Variants in CEP72 observed in about 807,000 individuals in gnomAD.
The protein encoded by CEP72 is centrosomal protein of 72 kDa.
In CEP72, 78 loss-of-function variants were observed where a neutral mutation model predicts 65.7. That is an observed-to-expected ratio of 1.19 (90% confidence interval 0.99 to 1.43). The LOEUF is 1.43. Ranked by LOEUF, CEP72 falls within the 40% of genes most tolerant of loss-of-function variation. The pLI, the probability that CEP72 is intolerant of heterozygous loss-of-function variation, is 0.00. For synonymous variants in CEP72, 358 were observed against 351.7 expected, an observed-to-expected ratio of 1.02 and a Z score of -0.20; for missense variants, 914 against 832.9, an observed-to-expected ratio of 1.10 and a Z score of -1.20.
At chr5:616,478 G>C (rs1735996337) in intron 1 of CEP72, among the ~76,000 whole-genome samples, 1 of 151,690 alleles carries the variant, frequency 6.6e-6, no homozygotes, top group African/African-American at 2.4e-5. Context: ...TTGATTGACT[G>C]TGTTTTCTCA....
rs140383581 is a variant in CEP72 at position 620,015 on chromosome 5, C to T, written c.211-54C>T. The T allele has an allele frequency of 1.4e-3, 2,036 of 1,457,670 alleles. 2 individuals carry two copies. The highest frequency in any genetic ancestry group is 2.8e-3 in the Middle Eastern group (16 of 5,714). 90.3% of individuals were successfully genotyped at this position (1,457,670 alleles called of 1,614,324 possible). A position where few individuals can be genotyped will look rare whatever the true frequency, so the allele number is the denominator to read the frequency against. Reference sequence around the variant, plus strand: ...CAGTGTGTGTTGCTGGCTTATTTCACTGTGTATTTCTTGTTTAAAGTGTGA... The same window carrying T: ...CAGTGTGTGTTGCTGGCTTATTTCATTGTGTATTTCTTGTTTAAAGTGTGA... On this transcript the variant is annotated intron_variant, in intron 2 of 11. Coordinates refer to ENST00000264935, the MANE Select transcript of CEP72 (RefSeq NM_018140.4).
At chr5:634,029 G>A in intron 5 of CEP72, 82 bp downstream of exon 5, 1 of 1,333,738 alleles carries the variant, frequency 7.5e-7, no homozygotes, top group Non-Finnish European at 1.0e-6. Flanking sequence ...GGAGTCCACA[G>A]TTGCTCTTTT....
Position 637,661 on chromosome 5 carries a change from G to A in CEP72, c.1049G>A (p.Gly350Asp). 3.1e-6 allele frequency: 5 copies of A among 1,614,022 alleles called. No homozygotes were observed. Among genetic ancestry groups the A allele is most frequent in the Non-Finnish European group, 4.2e-6 (5 of 1,180,036 alleles). Residue 350 changes from glycine (G) to aspartate (D), a missense_variant, in exon 7 of 12, where the codon GGT becomes GAT. Coordinates refer to ENST00000264935, the MANE Select transcript of CEP72 (RefSeq NM_018140.4). ...TTCCAGACGTTTTCGGACCAGGAGG[G>A]TTTGGGCTGCCCGGAGAGAACTCAT... ...GRFQTFSDQE[G>D]LGCPERTHGS...
chr5:617,685 G>A, intron 1 of CEP72, among the ~76,000 whole-genome samples: 1 of 152,206 alleles, frequency 6.6e-6, no homozygotes, highest in East Asian at 1.9e-4. Context: ...ATGCCTGAGG[G>A]CTACCTGAGG....
chr5:647,041 G>A (rs780666335), intron 10 of CEP72, among the ~76,000 whole-genome samples: 10 of 152,200 alleles, frequency 6.6e-5, no homozygotes, highest in Admixed American at 3.3e-4. Context: ...CATGCCCTAC[G>A]TGAACATGTC....
rs747913971 is a variant in CEP72 at position 640,410 on chromosome 5, C to T, written c.1345C>T (p.Gln449Ter). 2 of 1,612,226 alleles carry T rather than the reference C, an allele frequency of 1.2e-6. No homozygotes were observed. The highest frequency in any genetic ancestry group is 2.2e-5 in the East Asian group (1 of 44,824). Residue 449 changes from glutamine (Q) to a stop codon, truncating the protein, a stop_gained and splice_region_variant, in exon 9 of 12, where the codon CAG becomes TAG. Coordinates refer to ENST00000264935, the MANE Select transcript of CEP72 (RefSeq NM_018140.4). LOFTEE classifies it high-confidence loss of function. ...TAATATTTGGTTTTCACTCCTAGCT[C>T]AGGCAAGACACATCTTGTCATCTGT... ...SLHSNEAFLA[Q>*]ARHILSSVEE...
exon 4 of CEP72, chr5:665,979 T>A (rs897224895): frequency 1.3e-5 from 17 of 1,266,030 alleles, no homozygotes; most frequent in Non-Finnish European, 1.7e-5. Context: ...CCGTCACCCC[T>A]GAGATGATGG....
intron 6 of CEP72, 97 bp downstream of exon 6, chr5:635,681 C>G (rs1737544532): frequency 9.6e-7 from 1 of 1,047,058 alleles, no homozygotes; most frequent in African/African-American, 1.6e-5. Context: ...GCTCATGGTT[C>G]TGGAGGCTGG....
chr5:638,079 AG>A (rs1737744566), intron 7 of CEP72, among the ~76,000 whole-genome samples: 1 of 152,130 alleles, frequency 6.6e-6, no homozygotes, highest in Non-Finnish European at 1.5e-5. Flanking sequence ...CATCACACTT[AG>A]GGTTCCAGGG....
At chr5:635,303 A>G in intron 5 of CEP72, 69 bp from the exon 6 acceptor site, 7 of 1,248,978 alleles carry the variant, frequency 5.6e-6, no homozygotes, top group African/African-American at 1.5e-5. Context: ...GAAGCTTAAA[A>G]TGTAATTTTT....
chr5:670,262 C>T (rs1023882484), downstream of CEP72, among the ~76,000 whole-genome samples: 1 of 152,096 alleles, frequency 6.6e-6, no homozygotes, highest in Non-Finnish European at 1.5e-5. Context: ...ATCAGGAATG[C>T]CCTCCCATGG....
rs1271408434 is a variant in CEP72, at chr5:638,193, T to C, written c.1206+375T>C. 2.0e-5 allele frequency among the ~76,000 whole-genome samples: 3 copies of C among 152,330 alleles called. No homozygotes were observed. In the East Asian group the frequency reaches 5.8e-4, roughly 29 times the overall value. On this transcript the variant is annotated intron_variant, in intron 7 of 11. Coordinates refer to ENST00000264935, the MANE Select transcript of CEP72 (RefSeq NM_018140.4). ...CGTGGTGGAGAGAGGGGACTCTGCC[T>C]TACGGTGCACAGGGCATTTGTCTCC...
At position 633,864 on chromosome 5, in the gene CEP72, A is replaced by G; in HGVS notation, c.608A>G (p.Glu203Gly). The G allele has an allele frequency of 6.2e-7, 1 of 1,613,892 alleles. No individual in the cohort carries two copies. The highest frequency in any genetic ancestry group is 8.5e-7 in the Non-Finnish European group (1 of 1,180,040). The change falls in exon 5 of 12, where the codon GAG becomes GGG. Residue 203 changes from glutamate (E) to glycine (G), a missense_variant. Coordinates refer to ENST00000264935, the MANE Select transcript of CEP72 (RefSeq NM_018140.4). The stretch of plus-strand genomic sequence containing the variant: ...GAGGCAGTCCTGAACCTCATTGCAG[A>G]GTGCGAGTGGGACCTCGGCAGGCCT... ...DDEAVLNLIA[E>G]CEWDLGRPPG...
At chr5:631,372 A>G (rs60448442) in intron 4 of CEP72, among the ~76,000 whole-genome samples, 22 of 8,074 alleles carry the variant, frequency 2.7e-3, no homozygotes, top group East Asian at 6.0e-3. Context: ...CCGGGATTTG[A>G]CCCAGTCCTG....
chr5:629,916 GTGT>G lies in CEP72; in HGVS notation c.513-3852_513-3850del, dbSNP rs1377919895. 2.3e-3 allele frequency among the ~76,000 whole-genome samples: 185 copies of G among 79,032 alleles called. 8 individuals carry two copies. Among genetic ancestry groups the G allele is most frequent in the East Asian group, 4.1e-3 (12 of 2,920 alleles). The allele number at this position is 79,032 out of a possible 152,430, so 51.8% of individuals were successfully genotyped here. A position where few individuals can be genotyped will look rare whatever the true frequency, so the allele number is the denominator to read the frequency against. ...CCCAGTCCTGGTGGGGTTCTGTCCA[GTGT>G]CGGGATTTGACCCAGTCCTGGTGGG... On this transcript the variant is annotated intron_variant, in intron 4 of 11. Coordinates refer to ENST00000264935, the MANE Select transcript of CEP72 (RefSeq NM_018140.4).
At position 653,099 on chromosome 5, in the gene CEP72, C is replaced by T. The variant is rs776930863; in HGVS notation, c.1890C>T (p.Thr630=). ...GGAGCTACCAGGAGCTCAAGAAGAC[C>T]ATGGCCCTGTTTCCACACAGCAGCG... ...MHWSYQELKK[T]MALFPHSSAS... The change falls in exon 12 of 12, where the codon ACC becomes ACT. Residue 630 remains threonine (T), a synonymous_variant. Coordinates refer to ENST00000264935, the MANE Select transcript of CEP72 (RefSeq NM_018140.4). The T allele has an allele frequency of 2.5e-6, 4 of 1,613,328 alleles. No individual in the cohort carries two copies. Among genetic ancestry groups the T allele is most frequent in the African/African-American group, 2.7e-5 (2 of 74,952 alleles).
In CEP72 at chr5:612,380, C is replaced by A. The variant is rs745919557; in HGVS notation, c.19C>A (p.Arg7=). 5 of 1,490,688 alleles carry A rather than the reference C, an allele frequency of 3.4e-6. No homozygotes were observed. The highest frequency in any genetic ancestry group is 4.4e-6 in the Non-Finnish European group (5 of 1,125,344). 92.3% of individuals were successfully genotyped at this position (1,490,688 alleles called of 1,614,324 possible). A position where few individuals can be genotyped will look rare whatever the true frequency, so the allele number is the denominator to read the frequency against. The stretch of plus-strand genomic sequence containing the variant: ...TTGAAACATGGCGCGGGCTGGCCCT[C>A]GGCTGGTGCTGAGCGAGGAGGCGGT... MARAGP[R]LVLSEEAVRA... Residue 7 remains arginine, a synonymous_variant, in exon 1 of 12, where the codon CGG becomes AGG. Coordinates refer to ENST00000264935, the MANE Select transcript of CEP72 (RefSeq NM_018140.4).
intron 9 of CEP72, 87 bp downstream of exon 9, chr5:640,691 G>A: frequency 6.8e-7 from 1 of 1,479,934 alleles, no homozygotes. Context: ...GCTCCTTGAT[G>A]CCACACTGTC....
intron 9 of CEP72, chr5:641,336 GGT>G: frequency 1.0e-6 from 1 of 985,440 alleles, no homozygotes; most frequent in Non-Finnish European, 1.2e-6. Context: ...CGGGAGTCCT[GGT>G]GTGAGGGCAG....
Sources: allele counts gnomAD v4.1 joint callset (sites outside exome capture counted in the v4.1 genomes callset), GRCh38; gene constraint gnomAD v4.1.1; transcripts MANE v1.5; gene names NCBI Gene and HGNC (gene_info 2026-07-23, HGNC 2026-07-21).